Variants in MOXD1 observed in about 807,000 individuals in gnomAD.
MOXD1 encodes monooxygenase DBH like 1.
MOXD1 carries 62 observed loss-of-function variants against 66.6 expected under a neutral mutation model. The ratio of observed to expected loss-of-function variants is 0.93; its 90% CI spans 0.76 to 1.15. The LOEUF is 1.15. Ranked by LOEUF, MOXD1 falls within the 50% of genes most tolerant of loss-of-function variation. The pLI is 0.00. For synonymous variants in MOXD1, 303 were observed against 281.9 expected (o/e 1.07, Z -0.75); for missense variants, 847 against 754.6 (o/e 1.12, Z -1.44).
chr6:132,305,859 G>T (rs1212366541), intron 10 of MOXD1, among the ~76,000 whole-genome samples: 2 of 152,112 alleles, frequency 1.3e-5, no homozygotes, highest in Non-Finnish European at 2.9e-5. Flanking sequence ...CCATCCAAGG[G>T]TCAGCAGCCT....
chr6:132,344,256 C>A (rs1457967240), intron 4 of MOXD1, among the ~76,000 whole-genome samples: 1 of 152,134 alleles, frequency 6.6e-6, no homozygotes, highest in Non-Finnish European at 1.5e-5. Context: ...AACTGAATGG[C>A]CCATGACAAC....
chr6:132,361,618 A>G (rs1562293191), intron 4 of MOXD1, among the ~76,000 whole-genome samples: 1 of 152,290 alleles, frequency 6.6e-6, no homozygotes, highest in East Asian at 1.9e-4. Flanking sequence ...GGTTTATATC[A>G]GAGTCACTTG....
chr6:132,333,169 T>G (rs1775361581), intron 4 of MOXD1, among the ~76,000 whole-genome samples: 1 of 151,956 alleles, frequency 6.6e-6, no homozygotes, highest in African/African-American at 2.4e-5. Flanking sequence ...ACCCCGTCTC[T>G]ACTAAAAATA....
chr6:132,344,853 C>T (rs1045221287), intron 4 of MOXD1, among the ~76,000 whole-genome samples: 3 of 152,326 alleles, frequency 2.0e-5, no homozygotes, highest in Admixed American at 6.5e-5. Flanking sequence ...GTCTCACTCT[C>T]TGCTGAAAGC....
chr6:132,299,169 C>A (rs1267412661), intron 10 of MOXD1, among the ~76,000 whole-genome samples: 1 of 152,118 alleles, frequency 6.6e-6, no homozygotes, highest in Non-Finnish European at 1.5e-5. Flanking sequence ...GTGAATTACA[C>A]AGGAACAGAA....
At chr6:132,342,935 G>A (rs749691899) in intron 4 of MOXD1, among the ~76,000 whole-genome samples, 1 of 152,146 alleles carries the variant, frequency 6.6e-6, no homozygotes, top group Non-Finnish European at 1.5e-5. Context: ...GTACTAACAT[G>A]TTTTATGGAG....
chr6:132,381,744 G>A (rs1274703019), intron 1 of MOXD1, among the ~76,000 whole-genome samples: 2 of 152,160 alleles, frequency 1.3e-5, no homozygotes, highest in Non-Finnish European at 1.5e-5. Flanking sequence ...AAATACTAGA[G>A]AATGAAACAG....
intron 10 of MOXD1, among the ~76,000 whole-genome samples, chr6:132,301,436 A>C (rs1432351792): frequency 6.6e-6 from 1 of 152,126 alleles, no homozygotes. Flanking sequence ...GGAAATTTTA[A>C]AAGTTTAATG....
intron 7 of MOXD1, among the ~76,000 whole-genome samples, chr6:132,323,246 C>T (rs781588942): frequency 3.9e-5 from 6 of 152,174 alleles, no homozygotes; most frequent in South Asian, 2.1e-4. Context: ...GATAAGAAAG[C>T]GAAAGTGGGT....
At position 132,331,415 on chromosome 6, in the gene MOXD1, G is replaced by T. The variant is rs188855321; in HGVS notation, c.664-2821C>A. Among the ~76,000 whole-genome samples the T allele has an allele frequency of 4.1e-3, 626 of 152,272 alleles. 5 individuals carry two copies. Among genetic ancestry groups the T allele is most frequent in the Middle Eastern group, 0.024 (7 of 294 alleles). On this transcript the variant is annotated intron_variant, in intron 4 of 11. Coordinates refer to ENST00000367963, the MANE Select transcript of MOXD1 (RefSeq NM_015529.4). The stretch of plus-strand genomic sequence containing the variant: ...TCATTGAAGTAGAGGAAGAGGGAGT[G>T]AAGGGTGTGTGATGCTGGGTGGTGC...
intron 1 of MOXD1, chr6:132,390,362 T>C (rs1315596700): frequency 1.3e-5 from 2 of 151,514 alleles, no homozygotes; most frequent in African/African-American, 4.8e-5. Context: ...GGGACACTTG[T>C]TTTCTTTCAT....
At chr6:132,323,612 A>T (rs1775125904) in intron 7 of MOXD1, among the ~76,000 whole-genome samples, 1 of 152,136 alleles carries the variant, frequency 6.6e-6, no homozygotes, top group African/African-American at 2.4e-5. Flanking sequence ...TAAAAGGTAA[A>T]CTAGAGAAAA....
intron 1 of MOXD1, among the ~76,000 whole-genome samples, chr6:132,380,433 C>T (rs961514905): frequency 3.3e-5 from 5 of 152,120 alleles, no homozygotes; most frequent in African/African-American, 1.2e-4. Context: ...TATCCCCCTA[C>T]TCTCTTCATT....
At chr6:132,348,294 T>C (rs895498622) in intron 4 of MOXD1, among the ~76,000 whole-genome samples, 1 of 152,240 alleles carries the variant, frequency 6.6e-6, no homozygotes, top group Non-Finnish European at 1.5e-5. Flanking sequence ...ATCATTCATA[T>C]AACAACCACC....
chr6:132,365,280 A>G (rs1334306909), intron 4 of MOXD1, among the ~76,000 whole-genome samples: 2 of 152,128 alleles, frequency 1.3e-5, no homozygotes, highest in South Asian at 2.1e-4. Context: ...AAGGACTAAG[A>G]TGCCTCCAAA....
intron 6 of MOXD1, among the ~76,000 whole-genome samples, chr6:132,326,740 G>T (rs759589091): frequency 6.6e-6 from 1 of 152,026 alleles, no homozygotes. Flanking sequence ...ATTGGTGGGT[G>T]GAAATTAAAG....
intron 10 of MOXD1, among the ~76,000 whole-genome samples, chr6:132,298,568 A>G (rs1290854373): frequency 1.3e-5 from 2 of 152,142 alleles, no homozygotes; most frequent in Non-Finnish European, 2.9e-5. Context: ...CTAAGTGAGA[A>G]GACAAATACA....
At chr6:132,329,511 T>A (rs1025482265) in intron 4 of MOXD1, among the ~76,000 whole-genome samples, 2 of 152,056 alleles carry the variant, frequency 1.3e-5, no homozygotes, top group African/African-American at 4.8e-5. Context: ...ACGCTCTTAG[T>A]CTCCCTCTCT....
chr6:132,390,463 C>T (rs550958982), intron 1 of MOXD1: 5 of 151,522 alleles, frequency 3.3e-5, no homozygotes, highest in Admixed American at 6.6e-5. Flanking sequence ...CAGCACTTAG[C>T]ACTTAGTACT....
Sources: gnomAD v4.1 joint callset for allele counts (sites outside exome capture counted in the v4.1 genomes callset) on GRCh38, gnomAD v4.1.1 for gene constraint, MANE v1.5 for transcripts, NCBI Gene and HGNC (gene_info 2026-07-23, HGNC 2026-07-21) for gene names.